IL27: variants seen among roughly 807,000 people sequenced by gnomAD.
The protein encoded by IL27 is interleukin-27 subunit alpha.
Under a neutral mutation model 27.0 loss-of-function variants are expected in IL27, and 11 were observed. That is an observed-to-expected ratio of 0.41 (90% CI 0.26 to 0.67). The LOEUF is 0.67. IL27 is among the 30% of genes least tolerant of loss of function. IL27 has a pLI of 0.34. For synonymous variants in IL27, 134 were observed against 140.6 expected (o/e 0.95, Z 0.33); for missense variants, 299 against 310.4 (o/e 0.96, Z 0.28).
Position 28,501,959 on chromosome 16 carries a change from G to T in IL27, c.462+17C>A. Reference sequence around the variant, plus strand: ...TTCCCACGTGGTCTGGGGTGGTGGAGGGTGGCCGGGCTCTACCTGGAAGCG... The same window carrying T: ...TTCCCACGTGGTCTGGGGTGGTGGATGGTGGCCGGGCTCTACCTGGAAGCG... On this transcript the variant is annotated intron_variant, in intron 4 of 4. Coordinates refer to ENST00000356897, the MANE Select transcript of IL27 (RefSeq NM_145659.3). The T allele has an allele frequency of 6.3e-7, 1 of 1,596,738 alleles. No individual in the cohort carries two copies.
In IL27 at chr16:28,506,431, G is replaced by A. The variant is rs577597958; in HGVS notation, c.31+350C>T. On this transcript the variant is annotated intron_variant, in intron 1 of 4. Coordinates refer to ENST00000356897, the MANE Select transcript of IL27 (RefSeq NM_145659.3). ...ACCTCGTTCTGCTCTTCCTCCAGCCGGCCCCATTCTCAGTCTTAGCCAAGC... is the reference window on the plus strand; with the variant it reads ...ACCTCGTTCTGCTCTTCCTCCAGCCAGCCCCATTCTCAGTCTTAGCCAAGC... 3.9e-5 allele frequency among the ~76,000 whole-genome samples: 6 copies of A among 152,236 alleles called. No homozygotes were observed. The South Asian group carries it at 8.3e-4, about 21-fold the overall frequency.
intron 4 of IL27, among the ~76,000 whole-genome samples, chr16:28,501,593 T>A (rs1410834775): frequency 7.7e-6 from 1 of 129,112 alleles, no homozygotes; most frequent in Non-Finnish European, 1.6e-5. Flanking sequence ...ACCCACACAC[T>A]CTCACAGTCA....
chr16:28,501,872 C>T (rs1386017494), intron 4 of IL27, 104 bp downstream of exon 4: 1 of 1,350,588 alleles, frequency 7.4e-7, no homozygotes, highest in Non-Finnish European at 1.0e-6. Flanking sequence ...CAGTCACACT[C>T]ACACTCTCAC....
chr16:28,503,313 GATC>G (rs2141738222), intron 3 of IL27, among the ~76,000 whole-genome samples: 1 of 152,150 alleles, frequency 6.6e-6, no homozygotes, highest in African/African-American at 2.4e-5. Flanking sequence ...TGGAGTCCAG[GATC>G]ATAACTCACT....
intron 1 of IL27, among the ~76,000 whole-genome samples, chr16:28,505,865 C>A (rs1358354621): frequency 1.3e-5 from 2 of 152,202 alleles, no homozygotes; most frequent in African/African-American, 4.8e-5. Context: ...CTGGGCTCTG[C>A]TCTTCGAAAT....
Position 28,499,703 on chromosome 16 carries a change from G to T in IL27, c.680C>A (p.Ala227Asp). Residue 227 changes from alanine to aspartate, a missense_variant, in exon 5 of 5, where the codon GCT becomes GAT. Coordinates refer to ENST00000356897, the MANE Select transcript of IL27 (RefSeq NM_145659.3). The stretch of plus-strand genomic sequence containing the variant: ...CCCCAAGGGCCAGACTGAGTGCCCA[G>T]CCTTGGACAGCAGCAGCAACTCCCG... ...AVRELLLLSK[A>D]GHSVWPLGFP... The T allele has an allele frequency of 6.2e-7, 1 of 1,613,534 alleles. No homozygotes were observed. The highest frequency in any genetic ancestry group is 8.5e-7 in the Non-Finnish European group (1 of 1,179,792).
Position 28,503,685 on chromosome 16 carries a change from C to A in IL27, c.303+10G>T, listed in dbSNP as rs749478041. 1.9e-6 allele frequency: 3 copies of A among 1,597,182 alleles called. No individual in the cohort carries two copies. In the Admixed American group the frequency reaches 5.2e-5, roughly 27 times the overall value. ...AAGCTTCCCGCCCCACTCCACCAGC[C>A]CTCACTCACAGAGAGGCGGCGCCAG... is the stretch of plus-strand genomic sequence containing the variant. On this transcript the variant is annotated intron_variant, in intron 3 of 4. Coordinates refer to ENST00000356897, the MANE Select transcript of IL27 (RefSeq NM_145659.3).
intron 1 of IL27, among the ~76,000 whole-genome samples, chr16:28,506,261 T>G (rs923952124): frequency 1.3e-5 from 2 of 152,164 alleles, no homozygotes; most frequent in Admixed American, 1.3e-4. Context: ...GCATGTTACC[T>G]TCTCCACTGC....
At chr16:28,501,233 C>G (rs2046427036) in intron 4 of IL27, among the ~76,000 whole-genome samples, 1 of 151,876 alleles carries the variant, frequency 6.6e-6, no homozygotes, top group Non-Finnish European at 1.5e-5. Context: ...CTCTCACACT[C>G]ACACTCATCC....
In IL27 at chr16:28,499,683, A is replaced by C; in HGVS notation, c.700T>G (p.Leu234Val). The C allele has an allele frequency of 6.2e-7, 1 of 1,613,200 alleles. No homozygotes were observed. Among genetic ancestry groups the C allele is most frequent in the East Asian group, 2.2e-5 (1 of 44,834 alleles). Residue 234 changes from leucine (L) to valine (V), a missense_variant, in exon 5 of 5, where the codon TTG becomes GTG. By Grantham distance (32) the Leu-to-Val change is conservative (BLOSUM62 1). Transcript: ENST00000356897. ...LSKAGHSVWP[L>V]GFPTLSPQP ...TGGGGGCTCAATGTTGGGAACCCCA[A>C]GGGCCAGACTGAGTGCCCAGCCTTG...
chr16:28,499,476 G>T lies in IL27; in HGVS notation c.*175C>A, dbSNP rs964962288. 1.6e-5 allele frequency: 9 copies of T among 577,290 alleles called. No individual in the cohort carries two copies. The highest frequency in any genetic ancestry group is 1.5e-4 in the African/African-American group (8 of 53,632). The allele number at this position is 577,290 out of a possible 1,614,324, so 35.8% of individuals were successfully genotyped here. ...CCCTAAACAATAAATAAATATCCAA[G>T]AAATAAATAGCTGGCGAGGACCAGA... On this transcript the variant is annotated 3_prime_UTR_variant, in exon 5 of 5. Coordinates refer to ENST00000356897, the MANE Select transcript of IL27 (RefSeq NM_145659.3).
intron 4 of IL27, among the ~76,000 whole-genome samples, chr16:28,500,558 A>T (rs2141736379): frequency 6.6e-6 from 1 of 151,656 alleles, no homozygotes; most frequent in South Asian, 2.1e-4. Flanking sequence ...TCCAGGCGTG[A>T]GCCACCACGC....
Position 28,499,629 on chromosome 16 carries a change from C to T in IL27, c.*22G>A. ...TCCTAAAGTTCTAAAGGGTGGGGGG[C>T]AGGGGGCTAAGAAGCCACCGATCAG... On this transcript the variant is annotated 3_prime_UTR_variant, in exon 5 of 5. Transcript: ENST00000356897. 2 of 1,573,622 alleles carry T rather than the reference C, an allele frequency of 1.3e-6. No homozygotes were observed. The highest frequency in any genetic ancestry group is 1.1e-5 in the South Asian group (1 of 87,490).
In IL27 at chr16:28,499,547, A is replaced by T; in HGVS notation, c.*104T>A. 2 of 834,578 alleles carry T rather than the reference A, an allele frequency of 2.4e-6. No individual in the cohort carries two copies. Among genetic ancestry groups the T allele is most frequent in the Non-Finnish European group, 3.8e-6 (2 of 529,556 alleles). 51.7% of individuals were successfully genotyped at this position (834,578 alleles called of 1,614,324 possible). A position where few individuals can be genotyped will look rare whatever the true frequency, so the allele number is the denominator to read the frequency against. ...AGAGCCTGGGGCAGGGGGCTGGAAG[A>T]GCCCTCCCTTGTCCAAGGCTGATGA... On this transcript the variant is annotated 3_prime_UTR_variant, in exon 5 of 5. Coordinates refer to ENST00000356897, the MANE Select transcript of IL27 (RefSeq NM_145659.3).
chr16:28,504,124 T>C, intron 1 of IL27, 74 bp from the exon 2 acceptor site: 1 of 1,444,014 alleles, frequency 6.9e-7, no homozygotes, highest in East Asian at 2.3e-5. Context: ...TTTCTGAGCC[T>C]GTGCTAGCTG....
At chr16:28,500,577 G>A (rs989744984) in intron 4 of IL27, among the ~76,000 whole-genome samples, 6 of 152,130 alleles carry the variant, frequency 3.9e-5, no homozygotes, top group Non-Finnish European at 5.9e-5. Context: ...GCCCAGCCCT[G>A]CTGCTTGCAT....
At chr16:28,502,654 C>T (rs2046439286) in intron 3 of IL27, among the ~76,000 whole-genome samples, 1 of 152,054 alleles carries the variant, frequency 6.6e-6, no homozygotes, top group Non-Finnish European at 1.5e-5. Context: ...CTCATCATCA[C>T]CTTCTCATCT....
At chr16:28,501,446 CCACACACT>C (rs1049510928) in intron 4 of IL27, among the ~76,000 whole-genome samples, 30 of 146,208 alleles carry the variant, frequency 2.1e-4, no homozygotes, top group Admixed American at 6.8e-4. Context: ...ACAGTCACAC[CCACACACT>C]CACACACTCA....
At chr16:28,503,853 C>G (rs775492359) in intron 2 of IL27, 25 bp downstream of exon 2, 1 of 1,613,454 alleles carries the variant, frequency 6.2e-7, no homozygotes, top group Admixed American at 1.7e-5. Flanking sequence ...CCATCTCCAG[C>G]GCCAGCTGCA....
Sources: gnomAD v4.1 joint callset for allele counts (sites outside exome capture counted in the v4.1 genomes callset) on GRCh38, gnomAD v4.1.1 for gene constraint, MANE v1.5 for transcripts, NCBI Gene and HGNC (gene_info 2026-07-23, HGNC 2026-07-21) for gene names.